Variants in GARIN1B observed in about 807,000 individuals in gnomAD.
GARIN1B encodes the protein golgi associated RAB2 interactor 1B.
At chr7:128,727,472 C>T in the GARIN1B span, among the ~76,000 whole-genome samples, 3 of 152,102 alleles carry the variant, frequency 2.0e-5, no homozygotes, top group Non-Finnish European at 2.9e-5. Context: ...AAACAGGTAA[C>T]GCAGGGCATT....
chr7:128,723,349 C>T, the GARIN1B span: 1 of 1,602,654 alleles, frequency 6.2e-7, no homozygotes, highest in Non-Finnish European at 8.5e-7. Flanking sequence ...CAGCCTCTGA[C>T]ATTCCCTCCT....
At chr7:128,723,344 T>G in the GARIN1B span, 5 of 1,604,888 alleles carry the variant, frequency 3.1e-6, no homozygotes, top group Non-Finnish European at 4.3e-6. Context: ...CAAGCCAGCC[T>G]CTGACATTCC....
chr7:128,722,406 C>T, the GARIN1B span, among the ~76,000 whole-genome samples: 3 of 152,196 alleles, frequency 2.0e-5, no homozygotes, highest in East Asian at 3.8e-4. Flanking sequence ...ACAGCATGCA[C>T]AACTGGAGCA....
chr7:128,709,615 C>A, the GARIN1B span, among the ~76,000 whole-genome samples: 9 of 152,058 alleles, frequency 5.9e-5, no homozygotes, highest in Non-Finnish European at 1.2e-4. Flanking sequence ...ATCCTTTTAT[C>A]CCCTGGGTAG....
chr7:128,716,892 G>C, the GARIN1B span: 2 of 1,613,928 alleles, frequency 1.2e-6, no homozygotes, highest in Non-Finnish European at 1.7e-6. Flanking sequence ...TCGGTACCCT[G>C]CCTGCCCCTC....
the GARIN1B span, among the ~76,000 whole-genome samples, chr7:128,714,750 G>C: frequency 6.6e-6 from 1 of 152,106 alleles, no homozygotes; most frequent in Non-Finnish European, 1.5e-5. Flanking sequence ...TCTCCAAGAG[G>C]GGGAACAGCT....
chr7:128,730,874 C>T, the GARIN1B span, among the ~76,000 whole-genome samples: 72 of 152,168 alleles, frequency 4.7e-4, no homozygotes, highest in Non-Finnish European at 8.2e-4. Context: ...CTCGAACTCT[C>T]GACCTCAGAA....
the GARIN1B span, chr7:128,718,898 A>G: frequency 1.2e-6 from 2 of 1,614,178 alleles, no homozygotes; most frequent in Non-Finnish European, 1.7e-6. Flanking sequence ...GCAGTTGAGG[A>G]CAGTCACTGA....
At chr7:128,731,580 C>T in the GARIN1B span, 1 of 174,430 alleles carries the variant, frequency 5.7e-6, no homozygotes, top group Non-Finnish European at 1.2e-5. Context: ...TTCTATTTAT[C>T]TAATTTAAAA....
the GARIN1B span, among the ~76,000 whole-genome samples, chr7:128,721,932 T>C: frequency 6.6e-6 from 1 of 152,222 alleles, no homozygotes. Context: ...TTAAACCAAC[T>C]TTGTGTTCCT....
At chr7:128,729,827 C>G in the GARIN1B span, 14 of 1,506,690 alleles carry the variant, frequency 9.3e-6, no homozygotes, top group East Asian at 2.3e-5. Flanking sequence ...TAAGCACCCC[C>G]CCAAATGTCA....
chr7:128,724,452 G>A, the GARIN1B span, among the ~76,000 whole-genome samples: 2 of 152,058 alleles, frequency 1.3e-5, no homozygotes, highest in Non-Finnish European at 1.5e-5. Context: ...TTCTGTGATC[G>A]TTTTCTTAAT....
chr7:128,722,377 T>A, the GARIN1B span, among the ~76,000 whole-genome samples: 1 of 152,168 alleles, frequency 6.6e-6, no homozygotes. Flanking sequence ...ACGGAATGAA[T>A]GAGTGACTAT....
chr7:128,717,401 T>C, the GARIN1B span, among the ~76,000 whole-genome samples: 1 of 152,044 alleles, frequency 6.6e-6, no homozygotes, highest in African/African-American at 2.4e-5. Context: ...ACAAGTTATT[T>C]GCTGCTCCTC....
At chr7:128,724,903 C>A in the GARIN1B span, 3 of 1,277,914 alleles carry the variant, frequency 2.3e-6, no homozygotes, top group Non-Finnish European at 3.1e-6. Flanking sequence ...GACATGGGCC[C>A]AAGTCATTGC....
At chr7:128,715,650 T>G in the GARIN1B span, 2 of 1,614,158 alleles carry the variant, frequency 1.2e-6, no homozygotes, top group Non-Finnish European at 1.7e-6. Flanking sequence ...GAATTCAACC[T>G]GTTTCTTGAC....
At chr7:128,713,800 A>G in the GARIN1B span, 1 of 440,012 alleles carries the variant, frequency 2.3e-6, no homozygotes, top group South Asian at 2.1e-5. Context: ...CTCAGTGGCC[A>G]AGTATACTCA....
the GARIN1B span, chr7:128,727,017 C>T: frequency 1.5e-6 from 1 of 682,992 alleles, no homozygotes; most frequent in Non-Finnish European, 2.5e-6. Context: ...TTCCTTTAGG[C>T]TCTCTGGCCA....
At chr7:128,727,320 C>G in the GARIN1B span, among the ~76,000 whole-genome samples, 2 of 152,332 alleles carry the variant, frequency 1.3e-5, no homozygotes, top group African/African-American at 4.8e-5. Flanking sequence ...CAAAATGTCT[C>G]CTTCCAGGCA....
Sources: allele counts gnomAD v4.1 joint callset (sites outside exome capture counted in the v4.1 genomes callset), GRCh38; gene constraint gnomAD v4.1.1; transcripts MANE v1.5; gene names NCBI Gene and HGNC (gene_info 2026-07-23, HGNC 2026-07-21).